Variants in MACROD2 observed in about 807,000 individuals in gnomAD.
The protein encoded by MACROD2 is ADP-ribose glycohydrolase MACROD2.
MACROD2 carries 36 observed loss-of-function variants against 70.4 expected under a neutral mutation model. That is an observed-to-expected ratio of 0.51 (90% CI 0.39 to 0.68). The LOEUF is 0.68. Ranked by LOEUF, MACROD2 falls within the 30% of genes least tolerant of loss-of-function variation. MACROD2 has a pLI of 0.00. For synonymous variants in MACROD2, 172 were observed against 178.8 expected (o/e 0.96, Z 0.30); for missense variants, 496 against 538.4 (o/e 0.92, Z 0.78).
intron 12 of MACROD2, among the ~76,000 whole-genome samples, chr20:15,944,092 T>C (rs569469703): frequency 6.6e-6 from 1 of 152,242 alleles, no homozygotes; most frequent in Non-Finnish European, 1.5e-5. Flanking sequence ...AACTTAGTTA[T>C]TTATAGTTTT....
At chr20:15,100,289 T>G (rs1202966895) in intron 5 of MACROD2, among the ~76,000 whole-genome samples, 1 of 151,802 alleles carries the variant, frequency 6.6e-6, no homozygotes, top group Non-Finnish European at 1.5e-5. Context: ...GTTGAGGTAT[T>G]AAATGCATTT....
intron 8 of MACROD2, among the ~76,000 whole-genome samples, chr20:15,812,996 A>G (rs1306727794): frequency 3.9e-5 from 6 of 152,190 alleles, no homozygotes; most frequent in Admixed American, 2.0e-4. Context: ...CAGGTACCCC[A>G]GAAATATCTC....
intron 8 of MACROD2, among the ~76,000 whole-genome samples, chr20:15,738,753 C>A (rs1388208068): frequency 6.6e-6 from 1 of 151,982 alleles, no homozygotes; most frequent in African/African-American, 2.4e-5. Flanking sequence ...GCAGAACCAC[C>A]TCATAATAGG....
chr20:15,248,917 A>G (rs1425454714), intron 6 of MACROD2, among the ~76,000 whole-genome samples: 1 of 152,234 alleles, frequency 6.6e-6, no homozygotes, highest in Non-Finnish European at 1.5e-5. Flanking sequence ...CTTGGTTACA[A>G]GGAATTTATT....
At chr20:15,813,634 C>A (rs1300626541) in intron 8 of MACROD2, among the ~76,000 whole-genome samples, 1 of 152,050 alleles carries the variant, frequency 6.6e-6, no homozygotes, top group East Asian at 1.9e-4. Context: ...TAAAAATTAG[C>A]CAGGCATGGT....
chr20:15,848,359 CA>C (rs1173078799), intron 8 of MACROD2, among the ~76,000 whole-genome samples: 64 of 151,802 alleles, frequency 4.2e-4, no homozygotes, highest in African/African-American at 1.1e-3. Flanking sequence ...CTGTACAAGC[CA>C]GGGGGAGGGG....
intron 12 of MACROD2, among the ~76,000 whole-genome samples, chr20:15,960,804 A>G (rs1027390529): frequency 6.6e-6 from 1 of 152,120 alleles, no homozygotes; most frequent in Non-Finnish European, 1.5e-5. Context: ...CTGTACTGGC[A>G]CCATCGGCTC....
intron 6 of MACROD2, among the ~76,000 whole-genome samples, chr20:15,273,029 C>T (rs1223357279): frequency 6.6e-6 from 1 of 152,126 alleles, no homozygotes; most frequent in Non-Finnish European, 1.5e-5. Context: ...AAAAATTAAA[C>T]TTCCCTACTG....
chr20:14,772,136 C>T lies in MACROD2; in HGVS notation c.418+87177C>T, dbSNP rs16994937. On this transcript the variant is annotated intron_variant, in intron 5 of 17. Coordinates refer to ENST00000684519, the MANE Select transcript of MACROD2 (RefSeq NM_001351661.2). ...CTTTAGACTGTTAAAAATTTTCACA[C>T]TAATTTCCTTTCACAGGCCTAAAAA... 7.1e-3 allele frequency among the ~76,000 whole-genome samples: 1,074 copies of T among 152,128 alleles called. 50 individuals are homozygous for T. In the East Asian group the frequency reaches 0.11, roughly 16 times the overall value.
At chr20:15,715,353 G>C (rs994756559) in intron 8 of MACROD2, among the ~76,000 whole-genome samples, 1 of 152,042 alleles carries the variant, frequency 6.6e-6, no homozygotes, top group Admixed American at 6.6e-5. Context: ...TATTTCTTTT[G>C]CAACCCTGAT....
At chr20:15,943,161 C>A (rs981912725) in intron 12 of MACROD2, among the ~76,000 whole-genome samples, 6 of 152,148 alleles carry the variant, frequency 3.9e-5, no homozygotes, top group African/African-American at 1.4e-4. Flanking sequence ...AGACTACATA[C>A]AAGGAAGAGA....
chr20:15,542,693 A>G (rs1356970628), intron 8 of MACROD2, among the ~76,000 whole-genome samples: 1 of 152,240 alleles, frequency 6.6e-6, no homozygotes, highest in Non-Finnish European at 1.5e-5. Flanking sequence ...ATTTCTGAAG[A>G]AGGATTGGTT....
chr20:15,245,549 C>T (rs1053824150), intron 6 of MACROD2, among the ~76,000 whole-genome samples: 2 of 152,112 alleles, frequency 1.3e-5, no homozygotes, highest in Non-Finnish European at 1.5e-5. Flanking sequence ...TACAGACAGT[C>T]CCTTACTTAT....
At chr20:15,382,099 T>C (rs1453901361) in intron 6 of MACROD2, among the ~76,000 whole-genome samples, 1 of 152,110 alleles carries the variant, frequency 6.6e-6, no homozygotes, top group African/African-American at 2.4e-5. Flanking sequence ...CTAGTCACAA[T>C]AGGACTTTGC....
intron 4 of MACROD2, among the ~76,000 whole-genome samples, chr20:14,505,896 T>C (rs1177248405): frequency 6.6e-6 from 1 of 152,154 alleles, no homozygotes; most frequent in Admixed American, 6.5e-5. Flanking sequence ...ATCATAACCA[T>C]TTTAGTACTC....
At chr20:14,970,853 G>A (rs1286440030) in intron 5 of MACROD2, among the ~76,000 whole-genome samples, 1 of 152,022 alleles carries the variant, frequency 6.6e-6, no homozygotes, top group East Asian at 1.9e-4. Flanking sequence ...CTATGCTCAA[G>A]CAATCCTCCC....
chr20:16,021,969 A>G (rs888344616), intron 15 of MACROD2, among the ~76,000 whole-genome samples: 2 of 152,120 alleles, frequency 1.3e-5, no homozygotes, highest in African/African-American at 2.4e-5. Flanking sequence ...AATTCTGTCC[A>G]GAATTATGGG....
chr20:15,964,896 T>C (rs2066116972), intron 12 of MACROD2, among the ~76,000 whole-genome samples: 1 of 152,216 alleles, frequency 6.6e-6, no homozygotes, highest in African/African-American at 2.4e-5. Flanking sequence ...TTGATGTGTG[T>C]GGAGGTAGAA....
intron 8 of MACROD2, among the ~76,000 whole-genome samples, chr20:15,803,048 A>AGGT (rs2063740105): frequency 6.6e-6 from 1 of 151,954 alleles, no homozygotes; most frequent in African/African-American, 2.4e-5. Context: ...AAAGCCCAGG[A>AGGT]CCAGATGGCT....
Sources: gnomAD v4.1 joint callset for allele counts (sites outside exome capture counted in the v4.1 genomes callset) on GRCh38, gnomAD v4.1.1 for gene constraint, MANE v1.5 for transcripts, NCBI Gene and HGNC (gene_info 2026-07-23, HGNC 2026-07-21) for gene names.